Variants in RCOR3 observed in about 807,000 individuals in gnomAD.
RCOR3 encodes REST corepressor 3.
In RCOR3, 13 loss-of-function variants were observed where a neutral mutation model predicts 64.1. That is an observed-to-expected ratio of 0.20 (90% CI 0.13 to 0.32). The LOEUF (loss-of-function observed/expected upper bound fraction) is 0.32. Ranked by LOEUF, RCOR3 falls within the 10% of genes least tolerant of loss-of-function variation. The probability of loss-of-function intolerance (pLI) is 1.00; values close to 1 mark genes in which losing one functional copy is unlikely to be tolerated. For missense variants in RCOR3, 489 were observed against 701.2 expected, an observed-to-expected ratio of 0.70 and a Z score of 3.42; for synonymous variants, 215 against 239.0, an observed-to-expected ratio of 0.90 and a Z score of 0.93.
chr1:211,278,775 C>T (rs1330620496), intron 6 of RCOR3, among the ~76,000 whole-genome samples: 1 of 151,080 alleles, frequency 6.6e-6, no homozygotes, highest in African/African-American at 2.5e-5. Context: ...CTGAACACTA[C>T]AGAAATCTGA....
In RCOR3 at chr1:211,313,815, A is replaced by T. The variant is rs1249210456; in HGVS notation, c.*47A>T. 2 of 1,469,808 alleles carry T rather than the reference A, an allele frequency of 1.4e-6. No individual in the cohort carries two copies. The highest frequency in any genetic ancestry group is 2.4e-5 in the South Asian group (2 of 84,494). The allele number at this position is 1,469,808 out of a possible 1,614,324, so 91.0% of individuals were successfully genotyped here. On this transcript the variant is annotated 3_prime_UTR_variant, in exon 12 of 12. Coordinates refer to ENST00000419091, the MANE Select transcript of RCOR3 (RefSeq NM_001136223.3). The surrounding 1 kb of genome is among the most constrained non-coding windows in gnomAD (Gnocchi z 4.7). ...CAGTAACTTTTCACCCCATCATTAT[A>T]CCAGTGCTCATCTGACTGATGAAAA...
chr1:211,312,895 T>G lies in RCOR3; in HGVS notation c.1251T>G (p.Thr417=). 1 of 1,614,170 alleles carries G rather than the reference T, an allele frequency of 6.2e-7. No individual in the cohort carries two copies. Among genetic ancestry groups the G allele is most frequent in the African/African-American group, 1.3e-5 (1 of 75,066 alleles). The part of the protein sequence containing the change: ...GTQASNGDAS[T]LGEETKSASN... ...AGGCTTCTAATGGTGATGCTTCTAC[T>G]TTAGGGGAGGAGACAAAAAGTGCTT... The change falls in exon 11 of 12, where the codon ACT becomes ACG. Residue 417 remains threonine (T), a synonymous_variant. Transcript: ENST00000419091. This position sits in a 1 kb window ranked among gnomAD's most constrained non-coding sequence, Gnocchi z 5.0.
intron 2 of RCOR3, among the ~76,000 whole-genome samples, chr1:211,265,641 C>T (rs1320367449): frequency 6.6e-6 from 1 of 152,134 alleles, no homozygotes; most frequent in Non-Finnish European, 1.5e-5. Context: ...ATTGCTTGAA[C>T]CTGGGAGGCG....
At chr1:211,272,612 CTTTTTTTTTTTTTT>C (rs768152573) in intron 3 of RCOR3, among the ~76,000 whole-genome samples, 3 of 43,518 alleles carry the variant, frequency 6.9e-5, no homozygotes, top group East Asian at 8.8e-4. Flanking sequence ...GGATGTCTTA[CTTTTTTTTTTTTTT>C]TTTTTTTTTT....
intron 8 of RCOR3, among the ~76,000 whole-genome samples, chr1:211,293,521 G>GT (rs1299572963): frequency 1.3e-5 from 2 of 152,138 alleles, no homozygotes; most frequent in East Asian, 3.9e-4. Flanking sequence ...CAGTTTAGCT[G>GT]TCCTTTTCTT....
intron 3 of RCOR3, among the ~76,000 whole-genome samples, chr1:211,272,830 C>T (rs1696425572): frequency 6.6e-6 from 1 of 151,062 alleles, no homozygotes; most frequent in Non-Finnish European, 1.5e-5. Context: ...ACCGTTTTAG[C>T]CAGGATGGTC....
intron 1 of RCOR3, 167 bp from the exon 2 acceptor site, chr1:211,259,941 G>A (rs878977862): frequency 5.2e-5 from 13 of 250,754 alleles, no homozygotes; most frequent in East Asian, 3.2e-4. Flanking sequence ...CCCGCTCCCC[G>A]CCCCCAATCC....
At chr1:211,284,684 A>C (rs1698288457) in intron 7 of RCOR3, among the ~76,000 whole-genome samples, 1 of 152,032 alleles carries the variant, frequency 6.6e-6, no homozygotes. Flanking sequence ...CACCCAGCTA[A>C]TTTTTTAAAA....
rs767801333 is a variant in RCOR3 at position 211,313,014 on chromosome 1, G to T, written c.1317+53G>T. 38 of 1,611,446 alleles carry T rather than the reference G, an allele frequency of 2.4e-5. No homozygotes were observed. The highest frequency in any genetic ancestry group is 3.1e-5 in the Non-Finnish European group (37 of 1,178,334). On this transcript the variant is annotated intron_variant, in intron 11 of 11. Transcript: ENST00000419091. This position sits in a 1 kb window ranked among gnomAD's most constrained non-coding sequence, Gnocchi z 4.7. Reference sequence around the variant, plus strand: ...ATATGAGTTGAGGAATCACCATTTTGTGTGGTATTCTGTAAGGTTAATTTG... The same window carrying T: ...ATATGAGTTGAGGAATCACCATTTTTTGTGGTATTCTGTAAGGTTAATTTG...
At chr1:211,262,035 T>C (rs1350390901) in intron 2 of RCOR3, among the ~76,000 whole-genome samples, 1 of 87,736 alleles carries the variant, frequency 1.1e-5, no homozygotes, top group Non-Finnish European at 2.5e-5. Context: ...TATAAAAACT[T>C]TTTTTTTTTT....
intron 2 of RCOR3, among the ~76,000 whole-genome samples, chr1:211,269,086 A>G (rs933206115): frequency 6.6e-6 from 1 of 152,198 alleles, no homozygotes; most frequent in Non-Finnish European, 1.5e-5. Context: ...TTTATAAAGG[A>G]TTACAGTTTA....
chr1:211,279,195 A>G, intron 6 of RCOR3, 43 bp from the exon 7 acceptor site: 3 of 1,414,564 alleles, frequency 2.1e-6, no homozygotes, highest in South Asian at 2.5e-5. Flanking sequence ...CTTAAAAAAA[A>G]AAAAAAAGGG....
At chr1:211,266,178 A>G (rs899682876) in intron 2 of RCOR3, among the ~76,000 whole-genome samples, 1 of 152,192 alleles carries the variant, frequency 6.6e-6, no homozygotes, top group Non-Finnish European at 1.5e-5. Context: ...AAGTTAGTAC[A>G]TATTAAGTAT....
rs1201792031 is a variant in RCOR3, at chr1:211,290,687, C to A, written c.939+1291C>A. ...CACCACGCTCGGCCTCTTGTTGATTCTTTCTATTACTTCTCTTTAGCTGGA... is the reference window on the plus strand; with the variant it reads ...CACCACGCTCGGCCTCTTGTTGATTATTTCTATTACTTCTCTTTAGCTGGA... On this transcript the variant is annotated intron_variant, in intron 8 of 11. Coordinates refer to ENST00000419091, the MANE Select transcript of RCOR3 (RefSeq NM_001136223.3). 2.0e-5 allele frequency among the ~76,000 whole-genome samples: 3 copies of A among 152,020 alleles called. No individual in the cohort carries two copies. The East Asian group carries it at 5.8e-4, about 29-fold the overall frequency.
At chr1:211,271,725 C>A in intron 3 of RCOR3, 1 of 312,294 alleles carries the variant, frequency 3.2e-6, no homozygotes, top group Admixed American at 3.9e-5. Context: ...ACTTCAGCAG[C>A]CATCAGGTCA....
At chr1:211,311,892 C>T (rs1157951997) in intron 10 of RCOR3, among the ~76,000 whole-genome samples, 2 of 152,044 alleles carry the variant, frequency 1.3e-5, no homozygotes, top group African/African-American at 4.8e-5. Context: ...TCAATTATTA[C>T]CCTTTATTAT....
chr1:211,278,638 G>A (rs1408156892), intron 6 of RCOR3, among the ~76,000 whole-genome samples: 3 of 152,000 alleles, frequency 2.0e-5, no homozygotes, highest in Non-Finnish European at 2.9e-5. Context: ...TAAGTATTAT[G>A]TCAATTTGTA....
chr1:211,271,056 A>G (rs1241792173), intron 2 of RCOR3, among the ~76,000 whole-genome samples, 176 bp from the exon 3 acceptor site: 2 of 152,056 alleles, frequency 1.3e-5, no homozygotes, highest in Non-Finnish European at 2.9e-5. Flanking sequence ...ACGGGGTTTC[A>G]CCATGTTAGC....
At chr1:211,309,311 A>T (rs559444388) in intron 10 of RCOR3, among the ~76,000 whole-genome samples, 1 of 152,342 alleles carries the variant, frequency 6.6e-6, no homozygotes, top group African/African-American at 2.4e-5. Flanking sequence ...TTAACAAGAA[A>T]TGTTTAAAAA....
Sources: gnomAD v4.1 joint callset for allele counts (sites outside exome capture counted in the v4.1 genomes callset) on GRCh38, gnomAD v4.1.1 for gene constraint, Gnocchi (gnomAD v3.1) non-coding constraint, MANE v1.5 for transcripts, NCBI Gene and HGNC (gene_info 2026-07-23, HGNC 2026-07-21) for gene names.